Variants in AARS1 observed in about 807,000 individuals in gnomAD.
AARS1 encodes alanyl-tRNA synthetase 1.
Under a neutral mutation model 108.9 loss-of-function variants are expected in AARS1, and 72 were observed. The ratio of observed to expected loss-of-function variants is 0.66; its 90% CI spans 0.55 to 0.80. The LOEUF (loss-of-function observed/expected upper bound fraction) is 0.80, where lower values mean the gene tolerates loss of function less well. Among genes scored for constraint, AARS1 ranks in the 30% least tolerant of loss-of-function variants. The pLI, the probability that AARS1 is intolerant of heterozygous loss-of-function variation, is 0.00. For missense variants in AARS1, 1,193 were observed against 1,233.2 expected (o/e 0.97, Z 0.49); for synonymous variants, 489 against 465.7 (o/e 1.05, Z -0.64).
intron 7 of AARS1, among the ~76,000 whole-genome samples, chr16:70,268,929 G>A (rs939431458): frequency 3.3e-5 from 5 of 152,188 alleles, no homozygotes; most frequent in Non-Finnish European, 4.4e-5. Context: ...TAAAGAGGCC[G>A]GGCATGGTGG....
rs1272758443 is a variant in AARS1 at position 70,270,196 on chromosome 16, C to G, written c.816G>C (p.Lys272Asn). The G allele has an allele frequency of 6.2e-7, 1 of 1,614,130 alleles. No homozygotes were observed. Among genetic ancestry groups the G allele is most frequent in the East Asian group, 2.2e-5 (1 of 44,886 alleles). ...ACAATGTTTGCAATAGCACCAGTAC[C>G]TTCTGAATGGCTTCAAAGTAAGGGA... is the stretch of plus-strand genomic sequence containing the variant. ...LFVPYFEAIQ[K>N]GTGARPYTGK... The change falls in exon 6 of 21, where the codon AAG becomes AAC. Residue 272 changes from lysine to asparagine, a missense_variant and splice_region_variant. By Grantham distance (94) the Lys-to-Asn change is moderately conservative. Coordinates refer to ENST00000261772, the MANE Select transcript of AARS1 (RefSeq NM_001605.3).
Position 70,269,754 on chromosome 16 carries a change from C to T in AARS1, c.826G>A (p.Ala276Thr), listed in dbSNP as rs758401008. The T allele has an allele frequency of 6.2e-7, 1 of 1,614,124 alleles. No individual in the cohort carries two copies. The highest frequency in any genetic ancestry group is 2.2e-5 in the East Asian group (1 of 44,876). Residue 276 changes from alanine to threonine, a missense_variant, in exon 7 of 21, where the codon GCC becomes ACC. Transcript: ENST00000261772. Reference protein sequence around the residue: ...YFEAIQKGTGARPYTGKVGAE... With the variant: ...YFEAIQKGTGTRPYTGKVGAE... ...CCAACTTTCCCAGTGTATGGTCGGG[C>T]ACCTGTGCCCTATAGATAAGAATCA...
chr16:70,269,952 T>C (rs1185269236), intron 6 of AARS1, among the ~76,000 whole-genome samples, 189 bp from the exon 7 acceptor site: 4 of 152,108 alleles, frequency 2.6e-5, no homozygotes, highest in Non-Finnish European at 1.5e-5. Flanking sequence ...TCAAAAATTA[T>C]ACTGTCTCAG....
intron 1 of AARS1, among the ~76,000 whole-genome samples, chr16:70,285,005 G>A (rs1425402064): frequency 6.6e-6 from 1 of 152,168 alleles, no homozygotes; most frequent in Non-Finnish European, 1.5e-5. Context: ...CAAGGTGGGT[G>A]GATCACCTGA....
chr16:70,286,021 C>T (rs1960829725), intron 1 of AARS1, among the ~76,000 whole-genome samples: 1 of 152,148 alleles, frequency 6.6e-6, no homozygotes, highest in South Asian at 2.1e-4. Flanking sequence ...TGAATGACAG[C>T]CTATGTCCTT....
chr16:70,282,815 T>C, intron 1 of AARS1, 31 bp from the exon 2 acceptor site: 1 of 1,586,060 alleles, frequency 6.3e-7, no homozygotes, highest in Non-Finnish European at 8.7e-7. Context: ...GAAGGAAAAT[T>C]AAGGGAATTG....
chr16:70,276,674 C>A, intron 3 of AARS1, 43 bp from the exon 4 acceptor site: 1 of 1,606,518 alleles, frequency 6.2e-7, no homozygotes, highest in South Asian at 1.1e-5. Context: ...ATTGCCAAAC[C>A]AAAATCTATT....
At chr16:70,254,964 A>T (rs1486832547) in intron 16 of AARS1, among the ~76,000 whole-genome samples, 1 of 152,160 alleles carries the variant, frequency 6.6e-6, no homozygotes, top group Non-Finnish European at 1.5e-5. Context: ...GGGGTGATCA[A>T]GCTCGAGAAT....
rs184611994 is a variant in AARS1 at position 70,272,040 on chromosome 16, C to T, written c.480-68G>A. 1,175 of 1,478,496 alleles carry T rather than the reference C, an allele frequency of 7.9e-4. 7 individuals are homozygous for T. In the African/African-American group the frequency reaches 0.012, roughly 15 times the overall value. The allele number at this position is 1,478,496 out of a possible 1,614,324, so 91.6% of individuals were successfully genotyped here. The stretch of plus-strand genomic sequence containing the variant: ...AGAGTTCTGCCCAGACTTGCAACCA[C>T]CGCAAAAGAAATTCTTAGGATTGGC... On this transcript the variant is annotated intron_variant, in intron 4 of 20. Transcript: ENST00000261772.
At chr16:70,274,419 C>T (rs1960487418) in intron 4 of AARS1, among the ~76,000 whole-genome samples, 1 of 151,618 alleles carries the variant, frequency 6.6e-6, no homozygotes, top group African/African-American at 2.4e-5. Context: ...ATGAAGAATA[C>T]AACTCTGTTG....
rs115882953 is a variant in AARS1 at position 70,258,044 on chromosome 16, G to A, written c.2166C>T (p.Phe722=). The part of the protein sequence containing the change: ...GPAGSLTSVE[F]CGGTHLRNSS... The stretch of plus-strand genomic sequence containing the variant: ...TCTGCAGTACTCACGTTCCCCCACA[G>A]AACTCAACAGAAGTCAGGGAGCCAG... The change falls in exon 15 of 21, where the codon TTC becomes TTT. Residue 722 remains phenylalanine, a synonymous_variant. Coordinates refer to ENST00000261772, the MANE Select transcript of AARS1 (RefSeq NM_001605.3). 1.9e-6 allele frequency: 3 copies of A among 1,614,012 alleles called. No individual in the cohort carries two copies. Among genetic ancestry groups the A allele is most frequent in the Non-Finnish European group, 2.5e-6 (3 of 1,180,022 alleles).
Position 70,265,594 on chromosome 16 carries a change from CT to C in AARS1, c.1290del (p.Glu431ArgfsTer6). The C allele has an allele frequency of 6.2e-7, 1 of 1,614,064 alleles. No homozygotes were observed. The highest frequency in any genetic ancestry group is 8.5e-7 in the Non-Finnish European group (1 of 1,179,984). ...TCCATGTCTACCACCAGGCCCTTCT[CT>C]TCAGCAATCAGTCCAGTCAGATCCA... ...FPVDLTGLIAEEKGLVVDMDG... is the reference protein window; with the variant it reads ...FPVDLTGLIAXEKGLVVDMDG... On this transcript the variant is annotated frameshift_variant, in exon 10 of 21. Transcript: ENST00000261772. LOFTEE classifies it high-confidence loss of function.
Position 70,254,513 on chromosome 16 carries a change from C to T in AARS1, c.2400+108G>A, listed in dbSNP as rs547139849. 25 of 810,826 alleles carry T rather than the reference C, an allele frequency of 3.1e-5. No individual in the cohort carries two copies. In the African/African-American group the frequency reaches 3.9e-4, roughly 13 times the overall value. 50.2% of individuals were successfully genotyped at this position (810,826 alleles called of 1,614,324 possible). A position where few individuals can be genotyped will look rare whatever the true frequency, so the allele number is the denominator to read the frequency against. Reference sequence around the variant, plus strand: ...AGGACAACAGAAGTCAGCCCAAAGGCCCATTCCACCAAGAACCAGGGCCTG... The same window carrying T: ...AGGACAACAGAAGTCAGCCCAAAGGTCCATTCCACCAAGAACCAGGGCCTG... On this transcript the variant is annotated intron_variant, in intron 17 of 20. Transcript: ENST00000261772.
At chr16:70,267,619 C>T (rs1478605461) in intron 9 of AARS1, 40 bp downstream of exon 9, 1 of 1,613,356 alleles carries the variant, frequency 6.2e-7, no homozygotes, top group African/African-American at 1.3e-5. Context: ...CCAGAAAGAT[C>T]AAACGGCCAG....
At position 70,280,984 on chromosome 16, in the gene AARS1, C is replaced by T. The variant is rs375721470; in HGVS notation, c.144+1636G>A. Among the ~76,000 whole-genome samples the T allele has an allele frequency of 5.0e-4, 76 of 152,244 alleles. No homozygotes were observed. In the South Asian group the frequency reaches 8.7e-3, roughly 17 times the overall value. ...CTGGGACTACAGGCATGCACCACCA[C>T]ACCTGGCTAATTTTTTGTATTTTTA... On this transcript the variant is annotated intron_variant, in intron 2 of 20. Transcript: ENST00000261772.
Position 70,276,486 on chromosome 16 carries a change from C to T in AARS1, c.479G>A (p.Gly160Glu). 3 of 1,613,930 alleles carry T rather than the reference C, an allele frequency of 1.9e-6. No individual in the cohort carries two copies. The highest frequency in any genetic ancestry group is 2.5e-6 in the Non-Finnish European group (3 of 1,179,936). ...LECKQIWQNL[G>E]LDDTKILPGN... ...CTCAAGAAGTGATGTGCATTCTTAC[C>T]CCAAATTTTGCCAGATCTGTTTGCA... Residue 160 changes from glycine (G) to glutamate (E), a missense_variant and splice_region_variant, in exon 4 of 21, where the codon GGG becomes GAG. Gly to Glu is a moderately conservative substitution (Grantham distance 98, BLOSUM62 -2). Coordinates refer to ENST00000261772, the MANE Select transcript of AARS1 (RefSeq NM_001605.3).
At chr16:70,253,243 C>G (rs751332202) in intron 20 of AARS1, 25 bp downstream of exon 20, 3 of 1,566,820 alleles carry the variant, frequency 1.9e-6, no homozygotes, top group Non-Finnish European at 1.8e-6. Context: ...CCTAACACTT[C>G]CCACTGGTGC....
chr16:70,254,185 C>G, intron 17 of AARS1, 147 bp from the exon 18 acceptor site: 1 of 1,093,008 alleles, frequency 9.1e-7, no homozygotes, highest in Non-Finnish European at 1.4e-6. Flanking sequence ...CCTTTAGGAG[C>G]AGCTGTGGCA....
chr16:70,280,531 T>C (rs891246328), intron 2 of AARS1, among the ~76,000 whole-genome samples: 1 of 152,164 alleles, frequency 6.6e-6, no homozygotes, highest in African/African-American at 2.4e-5. Context: ...TTTCTAACTT[T>C]CCATGCCAGA....
Sources: allele counts gnomAD v4.1 joint callset (sites outside exome capture counted in the v4.1 genomes callset), GRCh38; gene constraint gnomAD v4.1.1; transcripts MANE v1.5; gene names NCBI Gene and HGNC (gene_info 2026-07-23, HGNC 2026-07-21).